The following PASD1 variants were observed in gnomAD, a reference collection of about 807,000 sequenced individuals.
PASD1 encodes the protein PAS domain containing repressor 1.
In PASD1, 13 loss-of-function variants were observed where a neutral mutation model predicts 58.8. The ratio of observed to expected loss-of-function variants is 0.22; its 90% confidence interval spans 0.14 to 0.35. The LOEUF is 0.35. Ranked by LOEUF, PASD1 falls within the 10% of genes least tolerant of loss-of-function variation. The pLI is 1.00. For synonymous variants in PASD1, 236 were observed against 216.7 expected, an observed-to-expected ratio of 1.09 and a Z score of -0.78; for missense variants, 734 against 568.3, an observed-to-expected ratio of 1.29 and a Z score of -2.96.
At chrX:151,672,882 A>G (rs1443794962) in intron 14 of PASD1, 4 of 501,744 alleles carry the variant, frequency 8.0e-6, no homozygotes, top group Non-Finnish European at 1.2e-5. Context: ...ACAAAGGGGT[A>G]CCCATGAAGA....
At chrX:151,671,961 A>G (rs1165301548) in intron 13 of PASD1, among the ~76,000 whole-genome samples, 182 bp downstream of exon 13, 1 of 112,741 alleles carries the variant, frequency 8.9e-6, no homozygotes, top group Non-Finnish European at 1.9e-5. Context: ...ATGTATACAT[A>G]CATGTACATA....
intron 14 of PASD1, chrX:151,673,230 A>C (rs1397428203): frequency 8.5e-6 from 1 of 117,753 alleles, no homozygotes; most frequent in Non-Finnish European, 1.8e-5. Context: ...GCTCAATAAT[A>C]AGGTCTTCAG....
At chrX:151,601,184 TAAAAC>T (rs997123529) in intron 1 of PASD1, among the ~76,000 whole-genome samples, 22 of 112,654 alleles carry the variant, frequency 2.0e-4, no homozygotes, top group Non-Finnish European at 3.2e-4. Flanking sequence ...GGTATGGAAT[TAAAAC>T]ACAAATTAAG....
At chrX:151,619,822 G>C (rs781038409) in intron 4 of PASD1, among the ~76,000 whole-genome samples, 6 of 111,583 alleles carry the variant, frequency 5.4e-5, no homozygotes, top group Non-Finnish European at 1.1e-4. Context: ...TTCATTTCAG[G>C]AATTTTTGTT....
chrX:151,674,653 G>A (rs1321231769), intron 15 of PASD1, among the ~76,000 whole-genome samples: 4 of 112,600 alleles, frequency 3.6e-5, no homozygotes, highest in Non-Finnish European at 7.5e-5. Flanking sequence ...GGAAGGGCAG[G>A]CCTACCTTGT....
rs1350505912 is a variant in PASD1, at chrX:151,664,202, G to A, written c.925G>A (p.Asp309Asn). The A allele has an allele frequency of 2.5e-6, 3 of 1,208,985 alleles. No individual in the cohort carries two copies. Among genetic ancestry groups the A allele is most frequent in the Non-Finnish European group, 3.4e-6 (3 of 894,947 alleles). Residue 309 changes from aspartate to asparagine, a missense_variant, in exon 11 of 16, where the codon GAT (aspartate) becomes AAT (asparagine). Coordinates refer to ENST00000370357, the MANE Select transcript of PASD1 (RefSeq NM_173493.3). ...ADPVDLEFSV[D>N]QVDSVDQEGP... ...CCCAGTGGACCTGGAGTTCTCGGTGGATCAGGTGGACTCAGTGGACCAGGA... is the reference window on the plus strand; with the variant it reads ...CCCAGTGGACCTGGAGTTCTCGGTGAATCAGGTGGACTCAGTGGACCAGGA...
intron 2 of PASD1, among the ~76,000 whole-genome samples, chrX:151,603,138 T>G (rs896299838): frequency 1.8e-5 from 2 of 113,001 alleles, no homozygotes; most frequent in African/African-American, 6.4e-5. Flanking sequence ...CCCGTCAGTC[T>G]GTAAGATACA....
At chrX:151,564,024 G>C (rs1408361526) in intron 1 of PASD1, among the ~76,000 whole-genome samples, 185 bp downstream of exon 1, 1 of 112,503 alleles carries the variant, frequency 8.9e-6, no homozygotes, top group East Asian at 2.8e-4. Context: ...AGAAGGAGAG[G>C]GGTGGCAGCG....
intron 8 of PASD1, among the ~76,000 whole-genome samples, chrX:151,632,044 A>G (rs1426336135): frequency 9.0e-6 from 1 of 111,273 alleles, no homozygotes; most frequent in Non-Finnish European, 1.9e-5. Flanking sequence ...CTTCGTGGTC[A>G]TTACATTCTG....
In PASD1 at chrX:151,619,217, T is replaced by G. The variant is rs371504081; in HGVS notation, c.208-1713T>G. On this transcript the variant is annotated intron_variant, in intron 4 of 15. Coordinates refer to ENST00000370357, the MANE Select transcript of PASD1 (RefSeq NM_173493.3). ...TGGACTGGATATTGAGTTTGAGAGA[T>G]AAAAGGCAAGTCAAGGACAAGTAAA... Among the ~76,000 whole-genome samples the G allele has an allele frequency of 9.9e-5, 11 of 111,454 alleles. No homozygotes were observed. In the East Asian group the frequency reaches 1.1e-3, roughly 12 times the overall value.
chrX:151,667,297 G>C (rs2014396178), intron 11 of PASD1, among the ~76,000 whole-genome samples: 1 of 111,907 alleles, frequency 8.9e-6, no homozygotes, highest in African/African-American at 3.3e-5. Flanking sequence ...TGTCAGATGA[G>C]TAGATTGCAA....
intron 1 of PASD1, among the ~76,000 whole-genome samples, chrX:151,565,442 C>T (rs887806061): frequency 9.0e-6 from 1 of 111,001 alleles, no homozygotes; most frequent in Non-Finnish European, 1.9e-5. Context: ...GATGTGGGGG[C>T]GGGAACTGGA....
chrX:151,669,281 A>G (rs113883686), intron 11 of PASD1, among the ~76,000 whole-genome samples: 5,856 of 107,252 alleles, frequency 0.055, 129 homozygotes, highest in Middle Eastern at 0.094. Context: ...TACACTATAT[A>G]TATTATGTTG....
intron 13 of PASD1, 134 bp from the exon 14 acceptor site, chrX:151,672,049 A>T: frequency 9.9e-7 from 1 of 1,005,668 alleles, no homozygotes; most frequent in South Asian, 2.5e-5. Context: ...AGACAGTCAC[A>T]CAGATCACTA....
intron 1 of PASD1, among the ~76,000 whole-genome samples, chrX:151,587,243 G>A (rs963907633): frequency 1.3e-4 from 3 of 22,304 alleles, no homozygotes; most frequent in Non-Finnish European, 2.8e-4. Context: ...TTTTTTTTTT[G>A]TACCTATCTT....
intron 8 of PASD1, among the ~76,000 whole-genome samples, chrX:151,632,484 A>G (rs2013880929): frequency 1.8e-5 from 2 of 111,601 alleles, no homozygotes; most frequent in Non-Finnish European, 3.8e-5. Context: ...CCTGTGAGCA[A>G]CTGTGAGGGA....
intron 11 of PASD1, among the ~76,000 whole-genome samples, chrX:151,669,017 C>T (rs2014426708): frequency 9.2e-6 from 1 of 108,235 alleles, no homozygotes; most frequent in East Asian, 2.9e-4. Flanking sequence ...CCTGGGATTA[C>T]AGATGCAAGC....
chrX:151,638,957 G>A (rs1473107875), intron 8 of PASD1, among the ~76,000 whole-genome samples: 1 of 111,813 alleles, frequency 8.9e-6, no homozygotes, highest in African/African-American at 3.2e-5. Context: ...TTACCGTCCT[G>A]CTCAAAAACT....
At chrX:151,564,625 G>T (rs1423503404) in intron 1 of PASD1, among the ~76,000 whole-genome samples, 1 of 109,792 alleles carries the variant, frequency 9.1e-6, no homozygotes, top group African/African-American at 3.3e-5. Context: ...GAACGTCGGT[G>T]CGGTGGCAGG....
Sources: gnomAD v4.1 joint callset for allele counts (sites outside exome capture counted in the v4.1 genomes callset) on GRCh38, gnomAD v4.1.1 for gene constraint, MANE v1.5 for transcripts, NCBI Gene and HGNC (gene_info 2026-07-23, HGNC 2026-07-21) for gene names.